ARHGEF38: variants seen among roughly 807,000 people sequenced by gnomAD.
ARHGEF38 encodes the protein Rho guanine nucleotide exchange factor (GEF) 38.
ARHGEF38 carries 79 observed loss-of-function variants against 79.9 expected under a neutral mutation model. That is an observed-to-expected ratio of 0.99 (90% confidence interval 0.82 to 1.19). ARHGEF38 has a LOEUF of 1.19. ARHGEF38 is among the 50% of genes most tolerant of loss of function. ARHGEF38 has a pLI of 0.00. For missense variants in ARHGEF38, 962 were observed against 907.2 expected, an observed-to-expected ratio of 1.06 and a Z score of -0.78; for synonymous variants, 366 against 328.3, an observed-to-expected ratio of 1.11 and a Z score of -1.24.
Position 105,613,478 on chromosome 4 carries a change from C to G in ARHGEF38, c.479C>G (p.Thr160Arg), listed in dbSNP as rs771840583. The change falls in exon 3 of 14, where the codon ACA (threonine) becomes AGA (arginine). Residue 160 changes from threonine (T) to arginine (R), a missense_variant. By Grantham distance (71) the Thr-to-Arg change is moderately conservative (BLOSUM62 -1). Transcript: ENST00000420470. ...CTGTCATTGTTGGAAGAGGCCACAACAGACGTGGAACCGGCCATGCAAGTA... is the reference window on the plus strand; with the variant it reads ...CTGTCATTGTTGGAAGAGGCCACAAGAGACGTGGAACCGGCCATGCAAGTA... The part of the protein sequence containing the change: ...KLLSLLEEAT[T>R]DVEPAMQVIG... 6.2e-7 allele frequency: 1 copy of G among 1,613,160 alleles called. No homozygotes were observed. The highest frequency in any genetic ancestry group is 1.1e-5 in the South Asian group (1 of 90,956).
intron 2 of ARHGEF38, among the ~76,000 whole-genome samples, chr4:105,596,653 A>G (rs1250255904): frequency 2.6e-5 from 4 of 152,236 alleles, no homozygotes; most frequent in African/African-American, 9.6e-5. Context: ...TGAAACTTGT[A>G]TATCCCTTTG....
intron 1 of ARHGEF38, chr4:105,561,529 A>AGAATG: frequency 6.9e-6 from 1 of 145,806 alleles, no homozygotes; most frequent in Admixed American, 6.8e-5. Context: ...AGAATAGAAT[A>AGAATG]GAATAGAATA....
At position 105,557,598 on chromosome 4, in the gene ARHGEF38, T is replaced by TAA. The variant is rs61065334; in HGVS notation, c.196+4652_196+4653dup. Among the ~76,000 whole-genome samples, 88 of 137,108 alleles carry TAA rather than the reference T, an allele frequency of 6.4e-4. 1 individual carries two copies. Among genetic ancestry groups the TAA allele is most frequent in the African/African-American group, 2.2e-3 (82 of 36,648 alleles). The allele number at this position is 137,108 out of a possible 152,430, so 89.9% of individuals were successfully genotyped here. A position where few individuals can be genotyped will look rare whatever the true frequency, so the allele number is the denominator to read the frequency against. On this transcript the variant is annotated intron_variant, in intron 1 of 13. Transcript: ENST00000420470. ...TTTGGTGAATGGGATTAGTGACCCT[T>TAA]AAAAAAAAAAAAAAAAGGCAAGAGA...
intron 2 of ARHGEF38, among the ~76,000 whole-genome samples, chr4:105,594,566 A>T (rs1727491979): frequency 6.6e-6 from 1 of 152,176 alleles, no homozygotes; most frequent in Non-Finnish European, 1.5e-5. Context: ...AGTAAAAACA[A>T]AACAAAACAA....
intron 1 of ARHGEF38, among the ~76,000 whole-genome samples, chr4:105,583,958 T>C (rs1726916219): frequency 6.6e-6 from 1 of 152,198 alleles, no homozygotes; most frequent in Admixed American, 6.5e-5. Context: ...TTTCCTTTTC[T>C]GATCCTTTAT....
chr4:105,619,273 A>T (rs1728639974), intron 3 of ARHGEF38, among the ~76,000 whole-genome samples: 2 of 151,456 alleles, frequency 1.3e-5, no homozygotes, highest in Non-Finnish European at 2.9e-5. Context: ...TCTGCTTGTG[A>T]GGGGAGAGGC....
At chr4:105,636,980 C>T (rs1414771302) in intron 5 of ARHGEF38, among the ~76,000 whole-genome samples, 2 of 152,074 alleles carry the variant, frequency 1.3e-5, no homozygotes. Flanking sequence ...TATACAAACA[C>T]TCTGAAAGAG....
rs537673390 is a variant in ARHGEF38, at chr4:105,624,302, T to C, written c.509-6596T>C. On this transcript the variant is annotated intron_variant, in intron 3 of 13. Coordinates refer to ENST00000420470, the MANE Select transcript of ARHGEF38 (RefSeq NM_001242729.2). ...CCTCAGGAAGTGTGGAGTTATGATCTGAAGCTAGAGCCACAGGCGTGAAAT... is the reference window on the plus strand; with the variant it reads ...CCTCAGGAAGTGTGGAGTTATGATCCGAAGCTAGAGCCACAGGCGTGAAAT... Among the ~76,000 whole-genome samples, 9 of 152,378 alleles carry C rather than the reference T, an allele frequency of 5.9e-5. No homozygotes were observed. The South Asian group carries it at 1.9e-3, about 32-fold the overall frequency.
chr4:105,567,847 C>T (rs149615897), intron 1 of ARHGEF38, among the ~76,000 whole-genome samples: 14,850 of 151,534 alleles, frequency 0.098, 748 homozygotes, highest in Middle Eastern at 0.16. Flanking sequence ...TAGTTACATA[C>T]GTATACATGT....
chr4:105,560,800 G>A (rs1002898507), intron 1 of ARHGEF38, among the ~76,000 whole-genome samples: 2 of 152,102 alleles, frequency 1.3e-5, no homozygotes, highest in African/African-American at 2.4e-5. Context: ...AGTCATTATA[G>A]CACTTCACAG....
intron 13 of ARHGEF38, among the ~76,000 whole-genome samples, chr4:105,668,615 T>A (rs941559337): frequency 5.9e-5 from 9 of 152,154 alleles, no homozygotes; most frequent in African/African-American, 2.2e-4. Context: ...GTTCTATTAA[T>A]AATTTATTTA....
rs139712033 is a variant in ARHGEF38, at chr4:105,555,866, A to G, written c.196+2905A>G. ...TCATGATACCTAGTCTATCTGTTCAATTCAATTTCTCACATCACTTTAGTA... is the reference window on the plus strand; with the variant it reads ...TCATGATACCTAGTCTATCTGTTCAGTTCAATTTCTCACATCACTTTAGTA... On this transcript the variant is annotated intron_variant, in intron 1 of 13. Coordinates refer to ENST00000420470, the MANE Select transcript of ARHGEF38 (RefSeq NM_001242729.2). Among the ~76,000 whole-genome samples the G allele has an allele frequency of 2.8e-3, 423 of 152,288 alleles. 2 individuals carry two copies. The highest frequency in any genetic ancestry group is 9.8e-3 in the African/African-American group (408 of 41,550).
chr4:105,624,499 A>G (rs890314635), intron 3 of ARHGEF38, among the ~76,000 whole-genome samples: 10 of 152,188 alleles, frequency 6.6e-5, no homozygotes, highest in Admixed American at 5.2e-4. Context: ...TGGTTTGAAT[A>G]TTATAACCCT....
intron 13 of ARHGEF38, among the ~76,000 whole-genome samples, chr4:105,670,776 C>A (rs530886387): frequency 6.6e-6 from 1 of 152,260 alleles, no homozygotes; most frequent in Admixed American, 6.5e-5. Context: ...TCCTGTCAGA[C>A]TTTGCCTTGT....
intron 1 of ARHGEF38, among the ~76,000 whole-genome samples, chr4:105,587,868 T>C (rs1727132486): frequency 6.6e-6 from 1 of 152,208 alleles, no homozygotes; most frequent in Admixed American, 6.5e-5. Context: ...GAGGGATTGG[T>C]AGGCGATAAA....
chr4:105,653,977 T>C (rs1411550724), intron 7 of ARHGEF38, 88 bp from the exon 8 acceptor site: 1 of 597,336 alleles, frequency 1.7e-6, no homozygotes, highest in Non-Finnish European at 2.6e-6. Context: ...AATTTTCTTT[T>C]GTAATGTGCT....
chr4:105,596,253 A>T (rs1415975191), intron 2 of ARHGEF38, among the ~76,000 whole-genome samples: 3 of 152,176 alleles, frequency 2.0e-5, no homozygotes, highest in African/African-American at 7.2e-5. Flanking sequence ...TGGGATAGGG[A>T]AACACAAAAG....
intron 3 of ARHGEF38, 97 bp downstream of exon 3, chr4:105,613,604 T>C: frequency 7.4e-7 from 1 of 1,346,632 alleles, no homozygotes; most frequent in Non-Finnish European, 1.0e-6. Flanking sequence ...CTCACCATGC[T>C]TCCCAGGAGA....
At chr4:105,590,993 C>T (rs1213446929) in intron 2 of ARHGEF38, among the ~76,000 whole-genome samples, 2 of 151,812 alleles carry the variant, frequency 1.3e-5, no homozygotes, top group Non-Finnish European at 2.9e-5. Flanking sequence ...TTTTTCCATC[C>T]CACATGTTGC....
Sources: allele counts gnomAD v4.1 joint callset (sites outside exome capture counted in the v4.1 genomes callset), GRCh38; gene constraint gnomAD v4.1.1; transcripts MANE v1.5; gene names NCBI Gene and HGNC (gene_info 2026-07-23, HGNC 2026-07-21).